Variants in PCSK5 observed in about 807,000 individuals in gnomAD.
The protein encoded by PCSK5 is prohormone convertase 5.
A neutral mutation model predicts 233.2 loss-of-function variants in PCSK5; 129 were observed. The observed-to-expected ratio is 0.55, with a 90% confidence interval of 0.48 to 0.64. PCSK5 has a LOEUF of 0.64. Among genes scored for constraint, PCSK5 ranks in the 30% least tolerant of loss-of-function variants. PCSK5 has a pLI of 0.00. For synonymous variants in PCSK5, 825 were observed against 879.2 expected (o/e 0.94, Z 1.09); for missense variants, 2,076 against 2,430.1 (o/e 0.85, Z 3.06).
chr9:76,159,847 G>A (rs939359471), intron 12 of PCSK5, among the ~76,000 whole-genome samples: 6 of 132,464 alleles, frequency 4.5e-5, no homozygotes, highest in East Asian at 2.1e-4. Context: ...TTTGAGAGAC[G>A]GAGTCTCACT....
At chr9:76,241,221 C>T (rs1408202392) in intron 24 of PCSK5, among the ~76,000 whole-genome samples, 1 of 152,154 alleles carries the variant, frequency 6.6e-6, no homozygotes. Flanking sequence ...GTGGGTGGAT[C>T]ACCTGAGGTC....
intron 25 of PCSK5, among the ~76,000 whole-genome samples, 163 bp from the exon 26 acceptor site, chr9:76,295,112 C>T (rs1442721713): frequency 1.3e-5 from 2 of 152,114 alleles, no homozygotes; most frequent in East Asian, 1.9e-4. Context: ...CGAGATCGAC[C>T]ACTGCACTCC....
At chr9:76,078,220 T>A (rs1314519639) in intron 7 of PCSK5, among the ~76,000 whole-genome samples, 1 of 152,226 alleles carries the variant, frequency 6.6e-6, no homozygotes, top group East Asian at 1.9e-4. Flanking sequence ...GAATATGTTC[T>A]CCCATTCTGT....
intron 5 of PCSK5, 61 bp from the exon 6 acceptor site, chr9:76,067,894 C>A: frequency 7.8e-7 from 1 of 1,286,172 alleles, no homozygotes; most frequent in Non-Finnish European, 1.1e-6. Context: ...GTGGCAGTGA[C>A]GCGTTGGCTT....
intron 36 of PCSK5, among the ~76,000 whole-genome samples, chr9:76,352,030 G>T (rs115215199): frequency 0.023 from 3,480 of 152,274 alleles, 114 homozygotes; most frequent in African/African-American, 0.08. Flanking sequence ...ACACAAGAAA[G>T]AATTCAGGGC....
chr9:75,921,276 G>C (rs1823246766), intron 1 of PCSK5, among the ~76,000 whole-genome samples: 1 of 152,152 alleles, frequency 6.6e-6, no homozygotes, highest in Non-Finnish European at 1.5e-5. Flanking sequence ...TCTGGGGCAG[G>C]TGTGCAGGGG....
chr9:76,240,579 G>T, intron 23 of PCSK5, 37 bp from the exon 24 acceptor site: 1 of 1,374,458 alleles, frequency 7.3e-7, no homozygotes, highest in Non-Finnish European at 1.0e-6. Flanking sequence ...CCACTCAATG[G>T]AAATGAGTTG....
At chr9:76,132,579 A>G (rs1451784557) in intron 9 of PCSK5, among the ~76,000 whole-genome samples, 2 of 152,082 alleles carry the variant, frequency 1.3e-5, no homozygotes, top group African/African-American at 2.4e-5. Context: ...TCAGAACTCA[A>G]TAGTACTTTT....
chr9:76,079,823 T>A (rs1210470807), intron 7 of PCSK5, among the ~76,000 whole-genome samples: 1 of 152,180 alleles, frequency 6.6e-6, no homozygotes, highest in African/African-American at 2.4e-5. Context: ...GCTCTTATTA[T>A]TTTGAGGTAA....
intron 3 of PCSK5, among the ~76,000 whole-genome samples, chr9:76,002,188 T>C (rs999355603): frequency 1.3e-5 from 2 of 152,196 alleles, no homozygotes; most frequent in Non-Finnish European, 2.9e-5. Flanking sequence ...TAGCAGGACA[T>C]AGTCAAACTG....
intron 9 of PCSK5, among the ~76,000 whole-genome samples, chr9:76,111,646 G>T (rs1204218910): frequency 6.6e-6 from 1 of 151,990 alleles, no homozygotes; most frequent in Non-Finnish European, 1.5e-5. Flanking sequence ...TGTAACCAGT[G>T]ATTATAGGAT....
At chr9:76,235,934 G>T (rs1054384465) in intron 22 of PCSK5, among the ~76,000 whole-genome samples, 3 of 152,202 alleles carry the variant, frequency 2.0e-5, no homozygotes, top group African/African-American at 4.8e-5. Flanking sequence ...TTAATAAAAG[G>T]CTAAAAATCC....
In PCSK5 at chr9:75,895,889, G is replaced by A. The variant is rs1191303135; in HGVS notation, c.192+4516G>A. 5.9e-5 allele frequency among the ~76,000 whole-genome samples: 9 copies of A among 152,280 alleles called. No individual in the cohort carries two copies. The East Asian group carries it at 7.7e-4, about 13-fold the overall frequency. On this transcript the variant is annotated intron_variant, in intron 1 of 37. Transcript: ENST00000674117. The stretch of plus-strand genomic sequence containing the variant: ...TTTTGAGCTGTGGATATTATAGGAC[G>A]CTTGAAATGTTGATTCACATGGGCA...
Position 76,351,447 on chromosome 9 carries a change from G to GGAAA in PCSK5, c.5067+601_5067+604dup, listed in dbSNP as rs771387185. Among the ~76,000 whole-genome samples, 215 of 27,422 alleles carry GGAAA rather than the reference G, an allele frequency of 7.8e-3. 2 individuals are homozygous for GGAAA. Among genetic ancestry groups the GGAAA allele is most frequent in the Admixed American group, 0.01 (17 of 1,684 alleles). 18.0% of individuals were successfully genotyped at this position (27,422 alleles called of 152,430 possible). A position where few individuals can be genotyped will look rare whatever the true frequency, so the allele number is the denominator to read the frequency against. On this transcript the variant is annotated intron_variant, in intron 36 of 37. Transcript: ENST00000674117. The stretch of plus-strand genomic sequence containing the variant: ...GCCCCCCCCTGCAATGTGAAAGAAA[G>GGAAA]GAAAGAAAGAAAGAAAGAAAGAAAG...
At chr9:75,972,664 T>A (rs985335028) in intron 2 of PCSK5, among the ~76,000 whole-genome samples, 1 of 152,194 alleles carries the variant, frequency 6.6e-6, no homozygotes, top group African/African-American at 2.4e-5. Flanking sequence ...TCATTAATGA[T>A]TTAGCTCTCT....
intron 10 of PCSK5, among the ~76,000 whole-genome samples, chr9:76,153,646 T>C (rs1823765817): frequency 6.6e-6 from 1 of 152,232 alleles, no homozygotes; most frequent in Non-Finnish European, 1.5e-5. Context: ...CATTGTAAAA[T>C]GTGAATATTG....
intron 24 of PCSK5, among the ~76,000 whole-genome samples, chr9:76,252,708 C>T (rs141314321): frequency 1.4e-3 from 216 of 152,286 alleles, no homozygotes; most frequent in African/African-American, 4.8e-3. Context: ...ACACCCTAAC[C>T]CTTTTCATCT....
chr9:76,068,197 G>A (rs1193257593), intron 6 of PCSK5, among the ~76,000 whole-genome samples, 154 bp downstream of exon 6: 1 of 152,140 alleles, frequency 6.6e-6, no homozygotes, highest in Admixed American at 6.5e-5. Context: ...GACCATGTTA[G>A]CATGCGCCTT....
chr9:76,351,529 A>AAAGAAAGAAAGAAAGAAAGG (rs1554724839), intron 36 of PCSK5, among the ~76,000 whole-genome samples: 5 of 108,610 alleles, frequency 4.6e-5, no homozygotes, highest in African/African-American at 3.2e-5. Context: ...AGAAAGAAAG[A>AAAGAAAGAAAGAAAGAAAGG]AAGGAAGGAA....
Sources: gnomAD v4.1 joint callset for allele counts (sites outside exome capture counted in the v4.1 genomes callset) on GRCh38, gnomAD v4.1.1 for gene constraint, MANE v1.5 for transcripts, NCBI Gene and HGNC (gene_info 2026-07-23, HGNC 2026-07-21) for gene names.